PRKRIP1: variants seen among roughly 807,000 people sequenced by gnomAD.
PRKRIP1 encodes the protein PRKR-interacting protein 1.
A neutral mutation model predicts 29.3 loss-of-function variants in PRKRIP1; 29 were observed. The ratio of observed to expected loss-of-function variants is 0.99; its 90% CI spans 0.74 to 1.35. The LOEUF is 1.35. Among genes scored for constraint, PRKRIP1 ranks in the 40% most tolerant of loss-of-function variants. The pLI, the probability that PRKRIP1 is intolerant of heterozygous loss-of-function variation, is 0.00. For synonymous variants in PRKRIP1, 90 were observed against 85.1 expected, an observed-to-expected ratio of 1.06 and a Z score of -0.32; for missense variants, 247 against 236.8, an observed-to-expected ratio of 1.04 and a Z score of -0.28.
At chr7:102,408,239 G>C (rs890266707) in intron 5 of PRKRIP1, among the ~76,000 whole-genome samples, 2 of 152,156 alleles carry the variant, frequency 1.3e-5, no homozygotes, top group Non-Finnish European at 2.9e-5. Context: ...GAGAGCAAAA[G>C]TTTCTCCAGA....
At chr7:102,412,167 A>G (rs546387055) in intron 5 of PRKRIP1, among the ~76,000 whole-genome samples, 21 of 152,298 alleles carry the variant, frequency 1.4e-4, no homozygotes, top group Admixed American at 4.6e-4. Flanking sequence ...ACGCCCAGCC[A>G]GCACCTGAAC....
intron 3 of PRKRIP1, among the ~76,000 whole-genome samples, chr7:102,403,437 C>A (rs892583397): frequency 2.0e-5 from 3 of 152,220 alleles, no homozygotes; most frequent in Admixed American, 6.5e-5. Context: ...ACCTTTATGG[C>A]TGTGACTGGA....
At chr7:102,402,795 A>T (rs1796107891) in intron 3 of PRKRIP1, among the ~76,000 whole-genome samples, 1 of 152,066 alleles carries the variant, frequency 6.6e-6, no homozygotes, top group Non-Finnish European at 1.5e-5. Flanking sequence ...TGCCTCTGCC[A>T]GGTGCGGCAG....
intron 2 of PRKRIP1, among the ~76,000 whole-genome samples, 168 bp from the exon 3 acceptor site, chr7:102,399,380 C>T (rs564293688): frequency 6.6e-6 from 1 of 152,226 alleles, no homozygotes; most frequent in South Asian, 2.1e-4. Flanking sequence ...TAATTCACGA[C>T]ATCTACAATA....
At chr7:102,399,478 A>G in intron 2 of PRKRIP1, 70 bp from the exon 3 acceptor site, 2 of 1,251,826 alleles carry the variant, frequency 1.6e-6, no homozygotes, top group Non-Finnish European at 2.3e-6. Flanking sequence ...TTCTTTAGTC[A>G]CCCTCGATTA....
intron 5 of PRKRIP1, 84 bp from the exon 6 acceptor site, chr7:102,424,930 C>T (rs1796794207): frequency 1.4e-6 from 2 of 1,411,896 alleles, no homozygotes; most frequent in East Asian, 4.8e-5. Flanking sequence ...GGACTTTTGA[C>T]TTCCCATCAG....
chr7:102,396,649 A>G (rs1335726549), intron 1 of PRKRIP1, 112 bp downstream of exon 1: 2 of 1,183,750 alleles, frequency 1.7e-6, no homozygotes, highest in South Asian at 1.4e-5. Context: ...GAAACTCAGT[A>G]TCCGACCCTC....
At chr7:102,416,664 C>T (rs1796556609) in intron 5 of PRKRIP1, among the ~76,000 whole-genome samples, 1 of 139,218 alleles carries the variant, frequency 7.2e-6, no homozygotes, top group Non-Finnish European at 1.5e-5. Flanking sequence ...GCCAACGTGG[C>T]CATCAGGTTT....
At chr7:102,411,479 G>C (rs1299917272) in intron 5 of PRKRIP1, among the ~76,000 whole-genome samples, 1 of 151,898 alleles carries the variant, frequency 6.6e-6, no homozygotes, top group Non-Finnish European at 1.5e-5. Context: ...CCACCTCCTG[G>C]GTTCAAGCAA....
At chr7:102,414,302 C>T (rs1554572825) in intron 5 of PRKRIP1, among the ~76,000 whole-genome samples, 1 of 151,918 alleles carries the variant, frequency 6.6e-6, no homozygotes, top group Non-Finnish European at 1.5e-5. Flanking sequence ...GAATTGATCA[C>T]CTTTTTCTCT....
intron 5 of PRKRIP1, among the ~76,000 whole-genome samples, chr7:102,410,561 G>A (rs1554572426): frequency 6.6e-6 from 1 of 152,140 alleles, no homozygotes; most frequent in Non-Finnish European, 1.5e-5. Context: ...ACTGTGGCAG[G>A]GGGGCTCTTG....
chr7:102,404,253 T>C (rs1452723977), intron 3 of PRKRIP1: 2 of 186,862 alleles, frequency 1.1e-5, no homozygotes, highest in Non-Finnish European at 2.2e-5. Flanking sequence ...GGCCATTCAT[T>C]CTGATGAGCT....
chr7:102,419,336 C>T (rs1184875404), intron 5 of PRKRIP1, among the ~76,000 whole-genome samples: 1 of 152,060 alleles, frequency 6.6e-6, no homozygotes, highest in Admixed American at 6.6e-5. Context: ...ATCACTTGAA[C>T]CCTGGAGGTG....
intron 3 of PRKRIP1, among the ~76,000 whole-genome samples, chr7:102,403,704 T>C (rs1554571466): frequency 6.6e-6 from 1 of 152,218 alleles, no homozygotes; most frequent in East Asian, 1.9e-4. Flanking sequence ...TCCTAACAGC[T>C]CTGGGAGAGA....
chr7:102,404,468 T>G, intron 3 of PRKRIP1, 130 bp from the exon 4 acceptor site: 1 of 713,586 alleles, frequency 1.4e-6, no homozygotes. Flanking sequence ...AAAATGGCCC[T>G]GGGGACCCGG....
At chr7:102,419,943 C>T (rs1287224079) in intron 5 of PRKRIP1, among the ~76,000 whole-genome samples, 1 of 151,512 alleles carries the variant, frequency 6.6e-6, no homozygotes, top group Non-Finnish European at 1.5e-5. Context: ...TGCAGTGGCG[C>T]AATCTCAGGT....
intron 3 of PRKRIP1, 135 bp downstream of exon 3, chr7:102,399,783 G>C: frequency 1.6e-6 from 1 of 634,314 alleles, no homozygotes; most frequent in South Asian, 1.8e-5. Flanking sequence ...GGCCGAGGCA[G>C]GGGATCACCT....
intron 5 of PRKRIP1, among the ~76,000 whole-genome samples, chr7:102,410,096 G>A (rs1796341139): frequency 6.6e-6 from 1 of 152,106 alleles, no homozygotes; most frequent in African/African-American, 2.4e-5. Flanking sequence ...AGCTCTGTGT[G>A]TGTGTTGGAA....
At chr7:102,419,880 TG>T (rs1796648945) in intron 5 of PRKRIP1, among the ~76,000 whole-genome samples, 1 of 148,252 alleles carries the variant, frequency 6.7e-6, no homozygotes, top group Non-Finnish European at 1.5e-5. Context: ...TGTGTGTGTG[TG>T]TGTGTGTGTG....
Sources: allele counts gnomAD v4.1 joint callset (sites outside exome capture counted in the v4.1 genomes callset), GRCh38; gene constraint gnomAD v4.1.1; transcripts MANE v1.5; gene names NCBI Gene and HGNC (gene_info 2026-07-23, HGNC 2026-07-21).